The following HDC variants were observed in gnomAD, a reference collection of about 807,000 sequenced individuals.
HDC encodes histidine decarboxylase.
Under a neutral mutation model 64.4 loss-of-function variants are expected in HDC, and 27 were observed. The observed-to-expected ratio is 0.42, with a 90% confidence interval of 0.31 to 0.58. The LOEUF is 0.58. HDC is among the 20% of genes least tolerant of loss of function. The pLI is 0.16. For synonymous variants in HDC, 305 were observed against 314.2 expected (o/e 0.97, Z 0.31); for missense variants, 711 against 833.9 (o/e 0.85, Z 1.81).
Position 50,254,142 on chromosome 15 carries a change from C to T in HDC, c.708G>A (p.Leu236=). The change falls in exon 6 of 12, where the codon TTG becomes TTA. Residue 236 remains leucine, a synonymous_variant. Coordinates refer to ENST00000267845, the MANE Select transcript of HDC (RefSeq NM_002112.4). ...KAIEEDKQRG[L]VPVFVCATLG... ...TATCCTGACTTACAAAGACGGGCACCAAGCCCCGCTGCTTGTCTTCCTCGA... is the reference window on the plus strand; with the variant it reads ...TATCCTGACTTACAAAGACGGGCACTAAGCCCCGCTGCTTGTCTTCCTCGA... The T allele has an allele frequency of 6.2e-7, 1 of 1,614,192 alleles. No homozygotes were observed.
rs1244002163 is a variant in HDC at position 50,265,509 on chromosome 15, C to A, written c.31+84G>T. The A allele has an allele frequency of 3.2e-6, 4 of 1,241,660 alleles. No individual in the cohort carries two copies. In the African/African-American group the frequency reaches 5.9e-5, roughly 18 times the overall value. The allele number at this position is 1,241,660 out of a possible 1,614,324, so 76.9% of individuals were successfully genotyped here. On this transcript the variant is annotated intron_variant, in intron 1 of 11. Transcript: ENST00000267845. Reference sequence around the variant, plus strand: ...ATTCTAATGCTCCCATCAAATGTCACCCCAGAATCTAAGGGCCACCCACCA... The same window carrying A: ...ATTCTAATGCTCCCATCAAATGTCAACCCAGAATCTAAGGGCCACCCACCA...
At chr15:50,243,315 G>T in intron 10 of HDC, 71 bp from the exon 11 acceptor site, 2 of 1,051,914 alleles carry the variant, frequency 1.9e-6, no homozygotes, top group Non-Finnish European at 3.0e-6. Flanking sequence ...CTTTCAGACT[G>T]CTAAATGGTT....
At chr15:50,252,977 C>T in intron 7 of HDC, 1 of 608,864 alleles carries the variant, frequency 1.6e-6, no homozygotes, top group Non-Finnish European at 2.9e-6. Context: ...ATGGGAAAGT[C>T]TACAAAGCCT....
intron 8 of HDC, 44 bp downstream of exon 8, chr15:50,252,568 G>A (rs2140933310): frequency 1.2e-6 from 2 of 1,614,128 alleles, no homozygotes; most frequent in African/African-American, 1.3e-5. Flanking sequence ...CTCCAGAGGA[G>A]GCAAGGCGTT....
At chr15:50,262,561 G>T (rs1159401464) in intron 2 of HDC, among the ~76,000 whole-genome samples, 1 of 152,198 alleles carries the variant, frequency 6.6e-6, no homozygotes, top group East Asian at 1.9e-4. Flanking sequence ...GCATCAGCCA[G>T]CTTCCATCAG....
chr15:50,252,153 C>T (rs1044001878), intron 9 of HDC, among the ~76,000 whole-genome samples: 7 of 152,220 alleles, frequency 4.6e-5, no homozygotes, highest in Non-Finnish European at 1.0e-4. Context: ...GTAGGAAGAG[C>T]ATTTCTGGGA....
chr15:50,245,051 A>C (rs180976847), intron 10 of HDC: 1 of 152,254 alleles, frequency 6.6e-6, no homozygotes, highest in African/African-American at 2.4e-5. Context: ...GCTGTTTGCA[A>C]TAACAGAAGC....
In HDC at chr15:50,263,265, A is replaced by G; in HGVS notation, c.174T>C (p.Phe58=). ...PEDPDSWDSI[F]GDIERIIMPG... is the part of the protein sequence containing the mutation. ...GCATGATGATTCGTTCAATGTCCCCAAAGATGCTGTCCCAGCTGTCGGGGT... is the reference window on the plus strand; with the variant it reads ...GCATGATGATTCGTTCAATGTCCCCGAAGATGCTGTCCCAGCTGTCGGGGT... The change falls in exon 2 of 12, where the codon TTT becomes TTC. Residue 58 remains phenylalanine (F), a synonymous_variant. Coordinates refer to ENST00000267845, the MANE Select transcript of HDC (RefSeq NM_002112.4). 1 of 1,614,134 alleles carries G rather than the reference A, an allele frequency of 6.2e-7. No individual in the cohort carries two copies. Among genetic ancestry groups the G allele is most frequent in the Middle Eastern group, 1.6e-4 (1 of 6,062 alleles).
intron 2 of HDC, among the ~76,000 whole-genome samples, chr15:50,259,171 A>G (rs1280619510): frequency 6.6e-6 from 1 of 152,130 alleles, no homozygotes; most frequent in Non-Finnish European, 1.5e-5. Flanking sequence ...CAAAAAAAAA[A>G]AAGGAAGGGC....
At chr15:50,243,707 G>A (rs7163895) in intron 10 of HDC, among the ~76,000 whole-genome samples, 5,983 of 152,286 alleles carry the variant, frequency 0.039, 360 homozygotes, top group African/African-American at 0.13. Flanking sequence ...TGGGCTAGTG[G>A]CGGCCCTGCC....
chr15:50,251,017 C>T (rs1457683726), intron 9 of HDC, among the ~76,000 whole-genome samples: 2 of 152,132 alleles, frequency 1.3e-5, no homozygotes, highest in African/African-American at 2.4e-5. Flanking sequence ...AAGATAAAAC[C>T]ATCTCTTCAC....
intron 2 of HDC, among the ~76,000 whole-genome samples, chr15:50,259,923 C>A (rs1211153608): frequency 6.6e-6 from 1 of 152,174 alleles, no homozygotes; most frequent in Non-Finnish European, 1.5e-5. Flanking sequence ...CCCATCCCAC[C>A]TCAGTCCCTA....
At chr15:50,252,574 G>A (rs368500211) in intron 8 of HDC, 38 bp downstream of exon 8, 1 of 1,614,178 alleles carries the variant, frequency 6.2e-7, no homozygotes, top group Non-Finnish European at 8.5e-7. Flanking sequence ...AGGAGGCAAG[G>A]CGTTCCTGCG....
At position 50,254,207 on chromosome 15, in the gene HDC, C is replaced by T. The variant is rs2045595866; in HGVS notation, c.643G>A (p.Asp215Asn). The change falls in exon 6 of 12, where the codon GAC (aspartate) becomes AAC (asparagine). Residue 215 changes from aspartate to asparagine, a missense_variant. Physicochemically the swap from Asp to Asn is conservative, Grantham distance 23. Around this residue, in one of 3 missense-constraint regions of HDC, gnomAD observed 225 missense variants for 276.2 expected, o/e 0.81. Coordinates refer to ENST00000267845, the MANE Select transcript of HDC (RefSeq NM_002112.4). ...LVKMKFLPVD[D>N]NFSLRGEALQ... ...GCTTCCCCTCGGAGTGAGAAGTTGT[C>T]ATCCACAGGCAGAAATTTCATCTTC... 6 of 1,614,192 alleles carry T rather than the reference C, an allele frequency of 3.7e-6. No homozygotes were observed. In the South Asian group the frequency reaches 4.4e-5, roughly 12 times the overall value.
rs139287451 is a variant in HDC at position 50,263,346 on chromosome 15, C to T, written c.93G>A (p.Thr31=). The change falls in exon 2 of 12, where the codon ACG becomes ACA. Residue 31 remains threonine (T), a synonymous_variant. Coordinates refer to ENST00000267845, the MANE Select transcript of HDC (RefSeq NM_002112.4). ...GCAGGTAGCCAGGCTGCACGTCTGGCGTCACACGTCTCTCCCGCACAGTGC... is the reference window on the plus strand; with the variant it reads ...GCAGGTAGCCAGGCTGCACGTCTGGTGTCACACGTCTCTCCCGCACAGTGC... ...YLSTVRERRV[T]PDVQPGYLRA... is the part of the protein sequence containing the mutation. The T allele has an allele frequency of 1.5e-5, 25 of 1,614,024 alleles. No individual in the cohort carries two copies. In the Admixed American group the frequency reaches 2.8e-4, roughly 18 times the overall value.
chr15:50,252,570 C>T, intron 8 of HDC, 42 bp downstream of exon 8: 1 of 1,614,166 alleles, frequency 6.2e-7, no homozygotes, highest in Non-Finnish European at 8.5e-7. Flanking sequence ...CCAGAGGAGG[C>T]AAGGCGTTCC....
chr15:50,242,032 G>A lies in HDC; in HGVS notation c.*228C>T. ...CACAGAAGCTGCCTGTCTACCCTCG[G>A]CCCTTTCTCACTGACCAGACTGCTG... is the stretch of plus-strand genomic sequence containing the variant. On this transcript the variant is annotated 3_prime_UTR_variant, in exon 12 of 12. Transcript: ENST00000267845. 1.7e-6 allele frequency: 1 copy of A among 590,908 alleles called. No individual in the cohort carries two copies. The highest frequency in any genetic ancestry group is 2.1e-5 in the South Asian group (1 of 47,812). The allele number at this position is 590,908 out of a possible 1,614,324, so 36.6% of individuals were successfully genotyped here.
chr15:50,254,738 TTCTC>T (rs55859417), intron 4 of HDC, 74 bp from the exon 5 acceptor site: 53,397 of 855,636 alleles, frequency 0.062, 552 homozygotes, highest in Middle Eastern at 0.08. Context: ...TTCTAGTTTT[TTCTC>T]TCTCTCTCTC....
In HDC at chr15:50,242,359, G is replaced by A. The variant is rs1471890215; in HGVS notation, c.1890C>T (p.Phe630=). 3.7e-6 allele frequency: 6 copies of A among 1,614,008 alleles called. No individual in the cohort carries two copies. In the South Asian group the frequency reaches 6.6e-5, roughly 18 times the overall value. Residue 630 remains phenylalanine, a synonymous_variant, in exon 12 of 12, where the codon TTC becomes TTT. Coordinates refer to ENST00000267845, the MANE Select transcript of HDC (RefSeq NM_002112.4). ...CGCTGTAGAATTTGATGAGTTTTTTGAAGGCACTTTTCTTCAGCATCATCA... is the reference window on the plus strand; with the variant it reads ...CGCTGTAGAATTTGATGAGTTTTTTAAAGGCACTTTTCTTCAGCATCATCA... ...EDMMMLKKSA[F]KKLIKFYSVP... is the part of the protein sequence containing the mutation.
Sources: allele counts gnomAD v4.1 joint callset (sites outside exome capture counted in the v4.1 genomes callset), GRCh38; gene constraint gnomAD v4.1.1; regional missense constraint gnomAD v4.1.1; transcripts MANE v1.5; gene names NCBI Gene and HGNC (gene_info 2026-07-23, HGNC 2026-07-21).